Variants in CSMD1 observed in about 807,000 individuals in gnomAD.
CSMD1 encodes the protein CUB and Sushi multiple domains 1, also known as CUB and sushi domain-containing protein 1.
CSMD1 carries 213 observed loss-of-function variants against 417.5 expected under a neutral mutation model. The ratio of observed to expected loss-of-function variants is 0.51; its 90% CI spans 0.46 to 0.57. The LOEUF (loss-of-function observed/expected upper bound fraction) is 0.57, where lower values mean the gene tolerates loss of function less well. Among genes scored for constraint, CSMD1 ranks in the 20% least tolerant of loss-of-function variants. The probability of loss-of-function intolerance (pLI) is 0.00; values close to 1 mark genes in which losing one functional copy is unlikely to be tolerated. For synonymous variants in CSMD1, 2,862 were observed against 1,736.8 expected (o/e 1.65, Z -16.11); for missense variants, 6,923 against 4,529.7 (o/e 1.53, Z -15.17).
chr8:3,525,503 A>G (rs929775950), intron 10 of CSMD1, among the ~76,000 whole-genome samples: 2 of 152,218 alleles, frequency 1.3e-5, no homozygotes, highest in African/African-American at 4.8e-5. Context: ...TAAGAAACGC[A>G]GTACCCTGAC....
chr8:4,653,600 T>G (rs552398511), intron 1 of CSMD1, among the ~76,000 whole-genome samples: 1 of 152,080 alleles, frequency 6.6e-6, no homozygotes, highest in Non-Finnish European at 1.5e-5. Flanking sequence ...ATTAAAATAG[T>G]CCCAGATAAC....
intron 5 of CSMD1, among the ~76,000 whole-genome samples, chr8:3,912,946 A>T (rs1480531648): frequency 6.6e-6 from 1 of 152,204 alleles, no homozygotes; most frequent in East Asian, 1.9e-4. Context: ...ACAGGGTGTG[A>T]ACATGGATTG....
chr8:3,377,266 C>G (rs1193989744), intron 18 of CSMD1, among the ~76,000 whole-genome samples: 4 of 152,172 alleles, frequency 2.6e-5, no homozygotes, highest in African/African-American at 9.7e-5. Flanking sequence ...TCTACCTCAG[C>G]CTCCCAATGT....
intron 3 of CSMD1, among the ~76,000 whole-genome samples, chr8:4,079,283 T>C (rs891500321): frequency 3.9e-5 from 6 of 152,218 alleles, no homozygotes; most frequent in Non-Finnish European, 8.8e-5. Flanking sequence ...TATCAAGTAC[T>C]GTACCATGAG....
At chr8:4,216,623 G>A (rs758026652) in intron 3 of CSMD1, among the ~76,000 whole-genome samples, 2 of 152,174 alleles carry the variant, frequency 1.3e-5, no homozygotes, top group African/African-American at 2.4e-5. Flanking sequence ...AAGTGTGAAT[G>A]CTGGGCCTCA....
intron 23 of CSMD1, among the ~76,000 whole-genome samples, chr8:3,309,594 C>T (rs1805170298): frequency 7.0e-6 from 1 of 143,604 alleles, no homozygotes. Context: ...TATTTCTATT[C>T]ATATCATGAT....
At chr8:2,971,238 C>T (rs75287676) in intron 57 of CSMD1, among the ~76,000 whole-genome samples, 2,762 of 152,190 alleles carry the variant, frequency 0.018, 42 homozygotes, top group Non-Finnish European at 0.031. Context: ...TGTGTCAGTT[C>T]GCCACCTAGA....
chr8:4,139,583 A>G (rs1480136771), intron 3 of CSMD1, among the ~76,000 whole-genome samples: 1 of 151,178 alleles, frequency 6.6e-6, no homozygotes, highest in East Asian at 1.9e-4. Context: ...TGCCTATGGA[A>G]CTGAGTGGGC....
At chr8:4,169,541 C>T (rs906565148) in intron 3 of CSMD1, among the ~76,000 whole-genome samples, 3 of 152,156 alleles carry the variant, frequency 2.0e-5, no homozygotes, top group Admixed American at 6.5e-5. Flanking sequence ...TGGCAGCCTC[C>T]AAACTCATGT....
rs58812303 is a variant in CSMD1, at chr8:4,276,362, A to T, written c.415+143591T>A. 9.7e-3 allele frequency among the ~76,000 whole-genome samples: 1,473 copies of T among 152,298 alleles called. 26 individuals are homozygous for T. Among genetic ancestry groups the T allele is most frequent in the African/African-American group, 0.034 (1,396 of 41,562 alleles). On this transcript the variant is annotated intron_variant, in intron 3 of 69. Transcript: ENST00000635120. ...AACTAGAAACCGTCATTGTCAGCAA[A>T]CTATCACAAGAACAGAAAACTAAAC...
intron 3 of CSMD1, among the ~76,000 whole-genome samples, chr8:4,398,245 C>T (rs2077357267): frequency 6.6e-6 from 1 of 152,152 alleles, no homozygotes; most frequent in South Asian, 2.1e-4. Flanking sequence ...TCCAAGGAGG[C>T]TGTTGTAATA....
intron 2 of CSMD1, among the ~76,000 whole-genome samples, chr8:4,449,476 A>G (rs528812943): frequency 6.6e-6 from 1 of 152,300 alleles, no homozygotes; most frequent in East Asian, 1.9e-4. Flanking sequence ...TAAAACCATC[A>G]TCCTTCAGTG....
chr8:4,819,706 A>G (rs531420600), intron 1 of CSMD1, among the ~76,000 whole-genome samples: 1 of 152,262 alleles, frequency 6.6e-6, no homozygotes, highest in Non-Finnish European at 1.5e-5. Flanking sequence ...GTTTCTACAG[A>G]GTTCTTACAG....
At chr8:4,571,627 G>C (rs550916470) in intron 2 of CSMD1, among the ~76,000 whole-genome samples, 19 of 152,114 alleles carry the variant, frequency 1.2e-4, no homozygotes, top group Admixed American at 2.6e-4. Flanking sequence ...TGTTAATTTC[G>C]GGTGGACAGT....
chr8:4,012,332 T>C (rs1563317146), intron 4 of CSMD1, among the ~76,000 whole-genome samples: 3 of 152,186 alleles, frequency 2.0e-5, no homozygotes, highest in South Asian at 4.1e-4. Context: ...GTGTCCAAGA[T>C]TCATTCTCTT....
At chr8:3,624,734 C>T (rs557269993) in intron 7 of CSMD1, among the ~76,000 whole-genome samples, 1 of 152,178 alleles carries the variant, frequency 6.6e-6, no homozygotes, top group African/African-American at 2.4e-5. Context: ...GTTTGAGGGA[C>T]ACTCTAGACT....
intron 3 of CSMD1, among the ~76,000 whole-genome samples, chr8:4,033,594 A>G (rs1019984029): frequency 6.6e-6 from 1 of 152,170 alleles, no homozygotes; most frequent in East Asian, 1.9e-4. Flanking sequence ...GTGTAAAACT[A>G]AGTTGTGGCT....
chr8:4,754,746 G>A (rs1028284661), intron 1 of CSMD1, among the ~76,000 whole-genome samples: 6 of 152,104 alleles, frequency 3.9e-5, no homozygotes, highest in African/African-American at 1.4e-4. Context: ...CTACTCAGGA[G>A]GCTGAGGCAG....
intron 3 of CSMD1, among the ~76,000 whole-genome samples, chr8:4,225,826 T>C (rs939599008): frequency 6.6e-6 from 1 of 152,146 alleles, no homozygotes; most frequent in Admixed American, 6.6e-5. Context: ...AGATGTAAAG[T>C]GGCACAATAT....
Sources: allele counts gnomAD v4.1 joint callset (sites outside exome capture counted in the v4.1 genomes callset), GRCh38; gene constraint gnomAD v4.1.1; transcripts MANE v1.5; gene names NCBI Gene and HGNC (gene_info 2026-07-23, HGNC 2026-07-21).